ITGA4: variants seen among roughly 807,000 people sequenced by gnomAD.
ITGA4 encodes the protein integrin alpha-4.
ITGA4 carries 63 observed loss-of-function variants against 133.6 expected under a neutral mutation model. That is an observed-to-expected ratio of 0.47 (90% CI 0.38 to 0.58). The LOEUF (loss-of-function observed/expected upper bound fraction) is 0.58, where lower values mean the gene tolerates loss of function less well. Ranked by LOEUF, ITGA4 falls within the 20% of genes least tolerant of loss-of-function variation. The pLI is 0.00. For synonymous variants in ITGA4, 483 were observed against 438.0 expected, an observed-to-expected ratio of 1.10 and a Z score of -1.28; for missense variants, 1,076 against 1,252.7, an observed-to-expected ratio of 0.86 and a Z score of 2.13.
chr2:181,489,868 T>G (rs1253035008), intron 10 of ITGA4, among the ~76,000 whole-genome samples: 2 of 152,118 alleles, frequency 1.3e-5, no homozygotes, highest in Non-Finnish European at 2.9e-5. Context: ...CAGACAAAAC[T>G]CTTCGGACGC....
chr2:181,469,590 C>T (rs1173436467), intron 2 of ITGA4, among the ~76,000 whole-genome samples: 1 of 152,190 alleles, frequency 6.6e-6, no homozygotes, highest in Non-Finnish European at 1.5e-5. Context: ...GATTATAAAT[C>T]ATGCTGCTAT....
rs190340294 is a variant in ITGA4, at chr2:181,487,091, T to A, written c.1153+1099T>A. Among the ~76,000 whole-genome samples, 123 of 152,316 alleles carry A rather than the reference T, an allele frequency of 8.1e-4. 1 individual carries two copies. In the Middle Eastern group the frequency reaches 0.01, roughly 13 times the overall value. Reference sequence around the variant, plus strand: ...GTTATACAAGTATTACTGTTCTGGATTTTTTGTTTACTATTTTAAAACTGA... The same window carrying A: ...GTTATACAAGTATTACTGTTCTGGAATTTTTGTTTACTATTTTAAAACTGA... On this transcript the variant is annotated intron_variant, in intron 10 of 27. Transcript: ENST00000397033.
At chr2:181,475,800 A>G (rs1270596794) in intron 4 of ITGA4, 1 of 1,590,452 alleles carries the variant, frequency 6.3e-7, no homozygotes, top group Non-Finnish European at 8.6e-7. Flanking sequence ...CATTTTTCTC[A>G]TGGTAACTCT....
chr2:181,472,352 T>A (rs1685574413), intron 2 of ITGA4, among the ~76,000 whole-genome samples: 1 of 152,244 alleles, frequency 6.6e-6, no homozygotes, highest in South Asian at 2.1e-4. Flanking sequence ...CTTTTTAATC[T>A]TCTGGGTGGC....
At chr2:181,462,582 T>C (rs544389217) in intron 2 of ITGA4, among the ~76,000 whole-genome samples, 2 of 152,322 alleles carry the variant, frequency 1.3e-5, no homozygotes, top group Admixed American at 6.5e-5. Context: ...TGCAGATTGG[T>C]CATTTTGAAA....
chr2:181,489,776 A>G (rs1686003108), intron 10 of ITGA4, among the ~76,000 whole-genome samples: 1 of 152,162 alleles, frequency 6.6e-6, no homozygotes, highest in African/African-American at 2.4e-5. Context: ...TTACCCATTA[A>G]GTAATTTCTC....
At chr2:181,530,764 T>A in intron 24 of ITGA4, 115 bp downstream of exon 24, 1 of 926,970 alleles carries the variant, frequency 1.1e-6, no homozygotes, top group South Asian at 1.7e-5. Flanking sequence ...AAGACAAGTT[T>A]AGGTAGTATT....
At chr2:181,518,194 G>A (rs1686649286) in intron 17 of ITGA4, among the ~76,000 whole-genome samples, 3 of 152,164 alleles carry the variant, frequency 2.0e-5, no homozygotes, top group South Asian at 2.1e-4. Context: ...TCCCTAAAAT[G>A]TTGTGGTAGC....
chr2:181,506,436 A>G (rs551700364), intron 15 of ITGA4, among the ~76,000 whole-genome samples: 3 of 152,090 alleles, frequency 2.0e-5, no homozygotes, highest in Non-Finnish European at 4.4e-5. Flanking sequence ...GCCATAGACA[A>G]ATTAAGAAAC....
chr2:181,503,104 T>C (rs1686315215), intron 15 of ITGA4, among the ~76,000 whole-genome samples: 1 of 152,058 alleles, frequency 6.6e-6, no homozygotes, highest in Non-Finnish European at 1.5e-5. Context: ...GCATAGATAT[T>C]ATAAAATACA....
intron 26 of ITGA4, 35 bp from the exon 27 acceptor site, chr2:181,534,781 T>TTTTG: frequency 6.5e-7 from 1 of 1,547,698 alleles, no homozygotes; most frequent in Non-Finnish European, 8.7e-7. Context: ...TTTTTTTTTT[T>TTTTG]GGTTTTTGAG....
chr2:181,538,369 T>C lies in ITGA4; in HGVS notation c.*2842T>C, dbSNP rs895116083. ...ACAAACACAGCATTCCCAACAGAGC[T>C]GTAATCTAGAAAACTGAGAAGGTCT... On this transcript the variant is annotated 3_prime_UTR_variant, in exon 28 of 28. Coordinates refer to ENST00000397033, the MANE Select transcript of ITGA4 (RefSeq NM_000885.6). The C allele has an allele frequency of 8.6e-5, 54 of 630,300 alleles. 1 individual carries two copies. The South Asian group carries it at 9.9e-4, about 12-fold the overall frequency. 39.0% of individuals were successfully genotyped at this position (630,300 alleles called of 1,614,324 possible).
chr2:181,503,328 C>G (rs923807186), intron 15 of ITGA4, among the ~76,000 whole-genome samples: 1 of 152,024 alleles, frequency 6.6e-6, no homozygotes, highest in African/African-American at 2.4e-5. Flanking sequence ...TAGTTTTATG[C>G]TAGATCTTCT....
intron 2 of ITGA4, among the ~76,000 whole-genome samples, chr2:181,463,242 G>A (rs187399506): frequency 5.9e-4 from 90 of 152,280 alleles, no homozygotes; most frequent in African/African-American, 2.1e-3. Flanking sequence ...TAAACTGTAG[G>A]TTAGAGAGGC....
At chr2:181,503,564 T>A (rs1369272383) in intron 15 of ITGA4, among the ~76,000 whole-genome samples, 11 of 27,454 alleles carry the variant, frequency 4.0e-4, no homozygotes, top group Non-Finnish European at 7.9e-4. Flanking sequence ...GAAGAAATTG[T>A]CTTTTTTTTT....
chr2:181,475,747 G>GT, intron 4 of ITGA4: 1 of 1,529,556 alleles, frequency 6.5e-7, no homozygotes, highest in Non-Finnish European at 8.8e-7. Flanking sequence ...TAATTTACAT[G>GT]TTTTCCTTCA....
intron 14 of ITGA4, among the ~76,000 whole-genome samples, chr2:181,498,116 T>A (rs4667310): frequency 0.84 from 128,266 of 151,932 alleles, 54,446 homozygotes; most frequent in Middle Eastern, 0.95. Flanking sequence ...AGATTTGACT[T>A]AATCATGTGT....
chr2:181,503,022 T>G (rs985814704), intron 15 of ITGA4, among the ~76,000 whole-genome samples: 3 of 151,782 alleles, frequency 2.0e-5, no homozygotes, highest in Admixed American at 1.3e-4. Flanking sequence ...GGAAAGAAAT[T>G]TGAATTGGAG....
rs1687133236 is a variant in ITGA4, at chr2:181,536,803, C to CTAGATAATTG, written c.*1277_*1286dup. On this transcript the variant is annotated 3_prime_UTR_variant, in exon 28 of 28. Coordinates refer to ENST00000397033, the MANE Select transcript of ITGA4 (RefSeq NM_000885.6). Reference sequence around the variant, plus strand: ...GTAATATTTATTTTATGCTTATGATCTAGATAATTGCAGAATATCATTTTA... The same window carrying CTAGATAATTG: ...GTAATATTTATTTTATGCTTATGATCTAGATAATTGTAGATAATTGCAGAATATCATTTTA... 3.4e-6 allele frequency: 1 copy of CTAGATAATTG among 292,192 alleles called. No individual in the cohort carries two copies. The highest frequency in any genetic ancestry group is 6.8e-6 in the Non-Finnish European group (1 of 147,136). 18.1% of individuals were successfully genotyped at this position (292,192 alleles called of 1,614,324 possible).
Sources: gnomAD v4.1 joint callset for allele counts (sites outside exome capture counted in the v4.1 genomes callset) on GRCh38, gnomAD v4.1.1 for gene constraint, MANE v1.5 for transcripts, NCBI Gene and HGNC (gene_info 2026-07-23, HGNC 2026-07-21) for gene names.